Variants in PIK3R1 observed in about 807,000 individuals in gnomAD.
The protein encoded by PIK3R1 is phosphoinositide-3-kinase regulatory subunit 1, also known as phosphatidylinositol 3-kinase regulatory subunit alpha.
Under a neutral mutation model 98.0 loss-of-function variants are expected in PIK3R1, and 29 were observed. That is an observed-to-expected ratio of 0.30 (90% CI 0.22 to 0.40). The LOEUF (loss-of-function observed/expected upper bound fraction) is 0.40. Among genes scored for constraint, PIK3R1 ranks in the 10% least tolerant of loss-of-function variants. The probability of loss-of-function intolerance (pLI) is 1.00; values close to 1 mark genes in which losing one functional copy is unlikely to be tolerated. For synonymous variants in PIK3R1, 282 were observed against 311.8 expected, an observed-to-expected ratio of 0.90 and a Z score of 1.01; for missense variants, 596 against 872.7, an observed-to-expected ratio of 0.68 and a Z score of 3.99.
rs1266203604 is a variant in PIK3R1, at chr5:68,297,541, G to A, written c.2115G>A (p.Gln705=). The stretch of plus-strand genomic sequence containing the variant: ...ATTACCAACACACCTCCCTTGTGCA[G>A]CACAACGACTCCCTCAATGTCACAC... ...VLHYQHTSLV[Q]HNDSLNVTLA... Residue 705 remains glutamine (Q), a synonymous_variant, in exon 16 of 16, where the codon CAG becomes CAA. Coordinates refer to ENST00000521381, the MANE Select transcript of PIK3R1 (RefSeq NM_181523.3). The A allele has an allele frequency of 1.1e-5, 18 of 1,614,084 alleles. No homozygotes were observed. The highest frequency in any genetic ancestry group is 1.4e-5 in the Non-Finnish European group (17 of 1,180,034).
intron 13 of PIK3R1, 28 bp from the exon 14 acceptor site, chr5:68,295,392 G>A (rs1409854496): frequency 6.2e-7 from 1 of 1,613,856 alleles, no homozygotes; most frequent in African/African-American, 1.3e-5. Context: ...ATGAGTTAAT[G>A]CGTTCTCTTT....
rs1406469405 is a variant in PIK3R1 at position 68,280,723 on chromosome 5, C to A, written c.830C>A (p.Ala277Glu). ...AGCCCTATGCTTTTCAGATTCTCAG[C>A]AGCCAGGTAAGTGAAAGGAGACAAA... ...IFSPMLFRFS[A>E]ASSDNTENLI... is the part of the protein sequence containing the mutation. The change falls in exon 6 of 16, where the codon GCA becomes GAA. Residue 277 changes from alanine (A) to glutamate (E), a missense_variant. By Grantham distance (107) the Ala-to-Glu change is moderately radical. Coordinates refer to ENST00000521381, the MANE Select transcript of PIK3R1 (RefSeq NM_181523.3). The A allele has an allele frequency of 6.2e-7, 1 of 1,613,434 alleles. No homozygotes were observed. The highest frequency in any genetic ancestry group is 8.5e-7 in the Non-Finnish European group (1 of 1,179,550).
intron 6 of PIK3R1, 62 bp downstream of exon 6, chr5:68,280,791 C>A: frequency 1.4e-6 from 2 of 1,428,162 alleles, no homozygotes; most frequent in South Asian, 2.3e-5. Context: ...ATGGATTGGT[C>A]ATGAAAATGT....
intron 2 of PIK3R1, among the ~76,000 whole-genome samples, chr5:68,269,150 A>G (rs776228411): frequency 2.0e-4 from 30 of 152,118 alleles, no homozygotes; most frequent in Non-Finnish European, 4.0e-4. Context: ...CTACTTTTAA[A>G]CCTTTCTGCT....
At chr5:68,295,706 AACTCT>A in intron 14 of PIK3R1, 1 of 576,290 alleles carries the variant, frequency 1.7e-6, no homozygotes, top group Non-Finnish European at 3.1e-6. Context: ...GCTGTGAAAC[AACTCT>A]CTGTGTCCAT....
At chr5:68,236,372 C>A (rs958374666) in intron 2 of PIK3R1, among the ~76,000 whole-genome samples, 1 of 152,162 alleles carries the variant, frequency 6.6e-6, no homozygotes, top group South Asian at 2.1e-4. Flanking sequence ...GTCTCAGCCT[C>A]CCGAGTAGCT....
At position 68,297,824 on chromosome 5, in the gene PIK3R1, CTT is replaced by C; in HGVS notation, c.*227_*228del. On this transcript the variant is annotated 3_prime_UTR_variant, in exon 16 of 16. Coordinates refer to ENST00000521381, the MANE Select transcript of PIK3R1 (RefSeq NM_181523.3). The stretch of plus-strand genomic sequence containing the variant: ...TCCTAAGCTGGAGTGCTTATCCCTT[CTT>C]TTTCTTTTTTTCTTTGGTTTAATTT... The C allele has an allele frequency of 2.6e-6, 1 of 379,096 alleles. No individual in the cohort carries two copies. 23.5% of individuals were successfully genotyped at this position (379,096 alleles called of 1,614,324 possible). A position where few individuals can be genotyped will look rare whatever the true frequency, so the allele number is the denominator to read the frequency against.
chr5:68,242,604 C>A (rs1744911472), intron 2 of PIK3R1, among the ~76,000 whole-genome samples: 1 of 152,154 alleles, frequency 6.6e-6, no homozygotes, highest in African/African-American at 2.4e-5. Flanking sequence ...ATCATTCTAC[C>A]CGTCTAAGGA....
chr5:68,280,829 A>G, intron 6 of PIK3R1, 98 bp from the exon 7 acceptor site: 2 of 1,247,332 alleles, frequency 1.6e-6, no homozygotes, highest in Non-Finnish European at 2.3e-6. Flanking sequence ...CCAGAGATGC[A>G]TGTGCAGATG....
At chr5:68,221,683 C>T (rs918125768) in intron 1 of PIK3R1, among the ~76,000 whole-genome samples, 3 of 152,186 alleles carry the variant, frequency 2.0e-5, no homozygotes, top group African/African-American at 7.2e-5. Flanking sequence ...TTTTGTTTGG[C>T]TCTTTGCCAA....
At chr5:68,246,654 C>T (rs1184923095) in intron 2 of PIK3R1, among the ~76,000 whole-genome samples, 3 of 151,998 alleles carry the variant, frequency 2.0e-5, no homozygotes, top group African/African-American at 4.8e-5. Flanking sequence ...GACGGAGTCT[C>T]GCTCTGTCGC....
rs963611461 is a variant in PIK3R1, at chr5:68,299,026, T to A, written c.*1425T>A. On this transcript the variant is annotated 3_prime_UTR_variant, in exon 16 of 16. Coordinates refer to ENST00000521381, the MANE Select transcript of PIK3R1 (RefSeq NM_181523.3). ...TCTCACTTTGATTTGCTAGTTGTTA[T>A]CAATTAATGACAATTACAAACCTAC... 1.3e-5 allele frequency: 3 copies of A among 233,476 alleles called. No homozygotes were observed. The highest frequency in any genetic ancestry group is 2.5e-5 in the Non-Finnish European group (3 of 118,000). 14.5% of individuals were successfully genotyped at this position (233,476 alleles called of 1,614,324 possible). A position where few individuals can be genotyped will look rare whatever the true frequency, so the allele number is the denominator to read the frequency against.
At chr5:68,273,552 C>G (rs963709857) in intron 3 of PIK3R1, 70 bp downstream of exon 3, 356 of 1,274,264 alleles carry the variant, frequency 2.8e-4, no homozygotes, top group Non-Finnish European at 3.9e-4. Flanking sequence ...TTATTTGTCT[C>G]TTGTGCATTC....
In PIK3R1 at chr5:68,276,729, C is replaced by T. The variant is rs1746586289; in HGVS notation, c.502+2716C>T. Among the ~76,000 whole-genome samples, 6 of 152,184 alleles carry T rather than the reference C, an allele frequency of 3.9e-5. No homozygotes were observed. The South Asian group carries it at 1.2e-3, about 32-fold the overall frequency. ...TAGAATTTGACATAAGGTAAGGTTA[C>T]CCAAAGACCTGCATAGGATAATTTT... On this transcript the variant is annotated intron_variant, in intron 4 of 15. Transcript: ENST00000521381.
chr5:68,268,362 A>C (rs1746206061), intron 2 of PIK3R1, among the ~76,000 whole-genome samples: 1 of 152,140 alleles, frequency 6.6e-6, no homozygotes, highest in Admixed American at 6.6e-5. Context: ...CATTTGTTGT[A>C]GTGTCACCCG....
chr5:68,219,378 C>T (rs1449653767), intron 1 of PIK3R1, among the ~76,000 whole-genome samples: 1 of 152,194 alleles, frequency 6.6e-6, no homozygotes, highest in Admixed American at 6.5e-5. Context: ...GAGGCTCCAC[C>T]AGTGAGTGTA....
chr5:68,271,975 G>A (rs186784647), intron 2 of PIK3R1, among the ~76,000 whole-genome samples: 26 of 152,246 alleles, frequency 1.7e-4, no homozygotes, highest in African/African-American at 6.3e-4. Context: ...TGTTGGCCAG[G>A]TGCAGTGGCT....
intron 7 of PIK3R1, among the ~76,000 whole-genome samples, chr5:68,281,303 A>T (rs1209171748): frequency 1.3e-5 from 2 of 152,196 alleles, no homozygotes; most frequent in African/African-American, 4.8e-5. Context: ...TATGGAGTTC[A>T]TTTTAGTTGT....
intron 2 of PIK3R1, among the ~76,000 whole-genome samples, chr5:68,265,170 C>G (rs978546531): frequency 3.9e-5 from 6 of 152,116 alleles, no homozygotes; most frequent in African/African-American, 1.4e-4. Flanking sequence ...CCAGACTGCA[C>G]CCCGACCTCC....
Sources: gnomAD v4.1 joint callset for allele counts (sites outside exome capture counted in the v4.1 genomes callset) on GRCh38, gnomAD v4.1.1 for gene constraint, MANE v1.5 for transcripts, NCBI Gene and HGNC (gene_info 2026-07-23, HGNC 2026-07-21) for gene names.